PTPRD: variants seen among roughly 807,000 people sequenced by gnomAD.
PTPRD encodes the protein receptor-type tyrosine-protein phosphatase delta.
A neutral mutation model predicts 214.5 loss-of-function variants in PTPRD; 34 were observed. That is an observed-to-expected ratio of 0.16 (90% CI 0.12 to 0.21). The LOEUF is 0.21. Among genes scored for constraint, PTPRD ranks in the 10% least tolerant of loss-of-function variants. The probability of loss-of-function intolerance (pLI) is 1.00; values close to 1 mark genes in which losing one functional copy is unlikely to be tolerated. For synonymous variants in PTPRD, 1,128 were observed against 845.7 expected (o/e 1.33, Z -5.79); for missense variants, 2,545 against 2,398.7 (o/e 1.06, Z -1.27).
At chr9:9,253,397 TAATC>T (rs1465667570) in intron 9 of PTPRD, among the ~76,000 whole-genome samples, 2 of 152,112 alleles carry the variant, frequency 1.3e-5, no homozygotes, top group Non-Finnish European at 2.9e-5. Flanking sequence ...GTTATTCTGT[TAATC>T]AACAAATAAT....
chr9:8,572,126 A>G (rs2091313251), intron 14 of PTPRD, among the ~76,000 whole-genome samples: 1 of 152,120 alleles, frequency 6.6e-6, no homozygotes, highest in Non-Finnish European at 1.5e-5. Context: ...CTCATTTAAT[A>G]TTAAATATAA....
chr9:10,318,730 G>C (rs547360075), intron 3 of PTPRD, among the ~76,000 whole-genome samples: 1 of 152,088 alleles, frequency 6.6e-6, no homozygotes, highest in East Asian at 1.9e-4. Context: ...TCCCACTTAA[G>C]TTTCCAGAGT....
chr9:9,240,352 T>C (rs919284573), intron 9 of PTPRD, among the ~76,000 whole-genome samples: 58 of 152,152 alleles, frequency 3.8e-4, no homozygotes, highest in African/African-American at 1.1e-3. Flanking sequence ...AGAAGGTAAA[T>C]ATATTTAAGT....
chr9:9,723,054 T>G (rs2097993850), intron 7 of PTPRD, among the ~76,000 whole-genome samples: 1 of 152,082 alleles, frequency 6.6e-6, no homozygotes, highest in African/African-American at 2.4e-5. Flanking sequence ...GAAATTCAAT[T>G]TATCTATTTT....
At chr9:9,102,938 A>G (rs545204899) in intron 10 of PTPRD, among the ~76,000 whole-genome samples, 2 of 152,346 alleles carry the variant, frequency 1.3e-5, no homozygotes, top group African/African-American at 2.4e-5. Flanking sequence ...TTGCAAATAG[A>G]AAACTAAAGC....
chr9:9,554,006 GAA>G (rs1183719160), intron 8 of PTPRD, among the ~76,000 whole-genome samples: 1 of 151,980 alleles, frequency 6.6e-6, no homozygotes, highest in Non-Finnish European at 1.5e-5. Context: ...ACAATGATGG[GAA>G]CATGACATCT....
intron 8 of PTPRD, among the ~76,000 whole-genome samples, chr9:9,504,992 G>C (rs1452788868): frequency 1.3e-5 from 2 of 151,616 alleles, no homozygotes; most frequent in Non-Finnish European, 3.0e-5. Context: ...TGACAGACTA[G>C]CTCAACAACT....
intron 27 of PTPRD, among the ~76,000 whole-genome samples, chr9:8,488,160 C>G (rs1006021733): frequency 1.3e-5 from 2 of 152,274 alleles, no homozygotes; most frequent in African/African-American, 4.8e-5. Context: ...GATTATGAGA[C>G]AATACATAGA....
chr9:10,483,014 T>A (rs1403727850), intron 2 of PTPRD, among the ~76,000 whole-genome samples: 1 of 152,148 alleles, frequency 6.6e-6, no homozygotes. Flanking sequence ...TCTGGAGGCA[T>A]CGTATGACTC....
At chr9:9,454,778 C>T (rs1427098135) in intron 8 of PTPRD, among the ~76,000 whole-genome samples, 2 of 151,414 alleles carry the variant, frequency 1.3e-5, no homozygotes, top group East Asian at 1.9e-4. Flanking sequence ...ATGTGTTAGT[C>T]TCAATACTAG....
At chr9:9,531,873 G>A (rs2075553838) in intron 8 of PTPRD, among the ~76,000 whole-genome samples, 1 of 151,866 alleles carries the variant, frequency 6.6e-6, no homozygotes, top group Admixed American at 6.6e-5. Flanking sequence ...TGGCTGATGA[G>A]GTTACAGAAG....
At chr9:8,931,773 G>A (rs1051038408) in intron 11 of PTPRD, among the ~76,000 whole-genome samples, 5 of 152,022 alleles carry the variant, frequency 3.3e-5, no homozygotes, top group Non-Finnish European at 7.4e-5. Flanking sequence ...GGTAAAATTC[G>A]GCTATGAATC....
At chr9:8,412,883 T>C (rs1005776025) in intron 35 of PTPRD, among the ~76,000 whole-genome samples, 8 of 152,188 alleles carry the variant, frequency 5.3e-5, no homozygotes, top group African/African-American at 1.9e-4. Context: ...GTTCTCACTT[T>C]TTGCATTTCA....
chr9:9,068,872 A>C (rs1308884211), intron 10 of PTPRD, among the ~76,000 whole-genome samples: 1 of 152,098 alleles, frequency 6.6e-6, no homozygotes, highest in Non-Finnish European at 1.5e-5. Flanking sequence ...GACCCCCCAA[A>C]GTATTTGGAT....
rs1316705589 is a variant in PTPRD, at chr9:9,498,549, C to T, written c.-237+76183G>A. Among the ~76,000 whole-genome samples the T allele has an allele frequency of 3.9e-5, 6 of 152,090 alleles. 1 individual carries two copies. The Middle Eastern group carries it at 0.014, about 345-fold the overall frequency. Reference sequence around the variant, plus strand: ...TTTAAGAAGTAGATATGAAATTCTCCTTGTTTGGCCTTTAGTGGCAGGCAG... The same window carrying T: ...TTTAAGAAGTAGATATGAAATTCTCTTTGTTTGGCCTTTAGTGGCAGGCAG... On this transcript the variant is annotated intron_variant, in intron 8 of 45. Transcript: ENST00000381196.
chr9:9,875,807 TAA>T (rs2066691234), intron 5 of PTPRD, among the ~76,000 whole-genome samples: 1 of 152,086 alleles, frequency 6.6e-6, no homozygotes, highest in African/African-American at 2.4e-5. Context: ...TTAATCTTAG[TAA>T]AATGTGATAA....
chr9:8,602,363 G>A (rs2094920795), intron 14 of PTPRD, among the ~76,000 whole-genome samples: 1 of 152,094 alleles, frequency 6.6e-6, no homozygotes, highest in Non-Finnish European at 1.5e-5. Context: ...ATAAGCCTTT[G>A]GTGGTGCTTC....
intron 10 of PTPRD, among the ~76,000 whole-genome samples, chr9:9,079,328 T>G (rs185393640): frequency 6.6e-6 from 1 of 152,240 alleles, no homozygotes; most frequent in African/African-American, 2.4e-5. Context: ...GTTTCTGGCT[T>G]ATTTCACTTA....
chr9:9,450,172 G>C (rs2091745226), intron 8 of PTPRD, among the ~76,000 whole-genome samples: 1 of 151,548 alleles, frequency 6.6e-6, no homozygotes, highest in South Asian at 2.1e-4. Context: ...TCTGATTGAT[G>C]GGCATTTGGG....
Sources: allele counts gnomAD v4.1 joint callset (sites outside exome capture counted in the v4.1 genomes callset), GRCh38; gene constraint gnomAD v4.1.1; transcripts MANE v1.5; gene names NCBI Gene and HGNC (gene_info 2026-07-23, HGNC 2026-07-21).